C4orf50: variants seen among roughly 807,000 people sequenced by gnomAD.
C4orf50 encodes the protein chromosome 4 open reading frame 50, also known as uncharacterized protein C4orf50.
A neutral mutation model predicts 77.2 loss-of-function variants in C4orf50; 80 were observed. The observed-to-expected ratio is 1.04, with a 90% CI of 0.87 to 1.25. The LOEUF (loss-of-function observed/expected upper bound fraction) is 1.25. Ranked by LOEUF, C4orf50 falls within the 50% of genes most tolerant of loss-of-function variation. The probability of loss-of-function intolerance (pLI) is 0.00; values close to 1 mark genes in which losing one functional copy is unlikely to be tolerated. For missense variants in C4orf50, 1,257 were observed against 1,152.9 expected, an observed-to-expected ratio of 1.09 and a Z score of -1.31; for synonymous variants, 532 against 465.3, an observed-to-expected ratio of 1.14 and a Z score of -1.84.
At chr4:6,016,225 C>A (rs1722677426) in intron 23 of C4orf50, among the ~76,000 whole-genome samples, 1 of 152,116 alleles carries the variant, frequency 6.6e-6, no homozygotes, top group African/African-American at 2.4e-5. Context: ...AGGAACTTAA[C>A]TCTTATTTGT....
chr4:5,994,060 T>G (rs1296116079), intron 26 of C4orf50, among the ~76,000 whole-genome samples: 1 of 152,120 alleles, frequency 6.6e-6, no homozygotes, highest in Non-Finnish European at 1.5e-5. Context: ...TGCTGGCCTA[T>G]GAGGCCCCCT....
chr4:6,014,185 A>T (rs1049039349), intron 23 of C4orf50, among the ~76,000 whole-genome samples: 1 of 152,018 alleles, frequency 6.6e-6, no homozygotes, highest in Non-Finnish European at 1.5e-5. Context: ...TATTTTTAGT[A>T]GAGACAGGGT....
At chr4:5,977,110 G>A (rs1328654515) in intron 29 of C4orf50, among the ~76,000 whole-genome samples, 2 of 152,220 alleles carry the variant, frequency 1.3e-5, no homozygotes, top group Non-Finnish European at 2.9e-5. Flanking sequence ...TGCAGAGGGG[G>A]CAGGATGTGA....
chr4:5,972,832 T>A (rs1335592828), intron 31 of C4orf50, among the ~76,000 whole-genome samples: 2 of 152,156 alleles, frequency 1.3e-5, no homozygotes, highest in East Asian at 3.9e-4. Flanking sequence ...GGAACGGGGC[T>A]GCATGTATAT....
downstream of C4orf50, among the ~76,000 whole-genome samples, chr4:5,955,648 G>A (rs1226661583): frequency 6.6e-6 from 1 of 152,134 alleles, no homozygotes. This position sits in a 1 kb window ranked among gnomAD's most constrained non-coding sequence, Gnocchi z 5.1. Context: ...CGCCTCACCA[G>A]CCTCCAAACT....
chr4:5,989,000 C>A lies in C4orf50; in HGVS notation c.3046G>T (p.Glu1016Ter). The A allele has an allele frequency of 6.5e-7, 1 of 1,536,066 alleles. No individual in the cohort carries two copies. The highest frequency in any genetic ancestry group is 8.7e-7 in the Non-Finnish European group (1 of 1,146,904). Residue 1016 changes from glutamate (E) to a stop codon, truncating the protein, a stop_gained, in exon 28 of 34, where the codon GAG becomes TAG. Coordinates refer to ENST00000531445, the Ensembl canonical transcript of C4orf50. LOFTEE classifies it high-confidence loss of function. ...AGTGTTTCATTTTCCTCTTCAAGCT[C>A]CAAAATTTTGCAGTAACTCTTCCCA...
chr4:5,934,306 T>C (rs1717911871), intron 7 of C4orf50, among the ~76,000 whole-genome samples: 1 of 152,220 alleles, frequency 6.6e-6, no homozygotes, highest in South Asian at 2.1e-4. Context: ...GCTGTTGTTG[T>C]TCTCTTCCTG....
chr4:5,927,058 G>C (rs1274010649), intron 7 of C4orf50, among the ~76,000 whole-genome samples: 1 of 152,196 alleles, frequency 6.6e-6, no homozygotes, highest in African/African-American at 2.4e-5. Flanking sequence ...CACTGTGGAA[G>C]GGGAAGATAG....
chr4:5,909,585 C>G (rs1716707119), intron 7 of C4orf50, among the ~76,000 whole-genome samples: 1 of 152,214 alleles, frequency 6.6e-6, no homozygotes. Context: ...AATCTTTGCT[C>G]AGACCAATGT....
chr4:5,939,806 A>T (rs1718186675), intron 7 of C4orf50, among the ~76,000 whole-genome samples: 1 of 151,932 alleles, frequency 6.6e-6, no homozygotes, highest in Admixed American at 6.6e-5. Context: ...AGCAGCACTG[A>T]CTCTCAGAAG....
Position 5,908,423 on chromosome 4 carries a change from G to T in C4orf50, c.*2475-10235C>A, listed in dbSNP as rs1279396241. On this transcript the variant is annotated intron_variant, in intron 7 of 7. Coordinates refer to the C4orf50 transcript ENST00000324058. This position sits in a 1 kb window ranked among gnomAD's most constrained non-coding sequence, Gnocchi z 5.6. ...CAACCAGTGGGCTCTGTGATGTGACGATTCTATAAAACCACAGGAGGCATT... is the reference window on the plus strand; with the variant it reads ...CAACCAGTGGGCTCTGTGATGTGACTATTCTATAAAACCACAGGAGGCATT... Among the ~76,000 whole-genome samples, 1 of 152,108 alleles carries T rather than the reference G, an allele frequency of 6.6e-6. No individual in the cohort carries two copies. Among genetic ancestry groups the T allele is most frequent in the Non-Finnish European group, 1.5e-5 (1 of 68,018 alleles).
chr4:5,974,336 C>G (rs547788298), intron 30 of C4orf50, among the ~76,000 whole-genome samples: 1 of 152,166 alleles, frequency 6.6e-6, no homozygotes, highest in Non-Finnish European at 1.5e-5. Flanking sequence ...GTGATGAGAG[C>G]GGTGGGGAGG....
chr4:5,906,409 A>G (rs1157086467), intron 7 of C4orf50, among the ~76,000 whole-genome samples: 1 of 152,170 alleles, frequency 6.6e-6, no homozygotes, highest in Non-Finnish European at 1.5e-5. Flanking sequence ...GCCAAGAAGT[A>G]TGGGAGAATA....
At chr4:5,983,758 G>C in intron 28 of C4orf50, among the ~76,000 whole-genome samples, 1 of 152,202 alleles carries the variant, frequency 6.6e-6, no homozygotes, top group East Asian at 1.9e-4. Flanking sequence ...TGTTGGTCCT[G>C]CTAGATGGAG....
rs1005055434 is a variant in C4orf50, at chr4:5,932,491, C to T, written c.*2474+24410G>A. Among the ~76,000 whole-genome samples, 3 of 152,124 alleles carry T rather than the reference C, an allele frequency of 2.0e-5. No homozygotes were observed. The highest frequency in any genetic ancestry group is 7.2e-5 in the African/African-American group (3 of 41,420). ...TTGTTTTGGAGCCTGGCTGGAGTGC[C>T]GTGGCTCCATCACAGTTCACTGCAG... is the stretch of plus-strand genomic sequence containing the variant. On this transcript the variant is annotated intron_variant, in intron 7 of 7. Transcript: ENST00000324058. This position sits in a 1 kb window ranked among gnomAD's most constrained non-coding sequence, Gnocchi z 4.2.
At chr4:5,971,951 G>A (rs1196733557) in intron 31 of C4orf50, among the ~76,000 whole-genome samples, 3 of 152,076 alleles carry the variant, frequency 2.0e-5, no homozygotes, top group East Asian at 1.9e-4. Flanking sequence ...GGCCTTCCAG[G>A]GTGACACCTG....
At chr4:6,006,310 T>C (rs1352612187) in intron 25 of C4orf50, among the ~76,000 whole-genome samples, 2 of 152,230 alleles carry the variant, frequency 1.3e-5, no homozygotes, top group Admixed American at 1.3e-4. Flanking sequence ...GGTTGCTCAC[T>C]CATTTTTCCT....
At chr4:6,005,119 C>T (rs535158162) in intron 25 of C4orf50, among the ~76,000 whole-genome samples, 49 of 152,302 alleles carry the variant, frequency 3.2e-4, no homozygotes, top group African/African-American at 1.1e-3. Flanking sequence ...ACTTGCATTC[C>T]TGCCTGCAAC....
intron 23 of C4orf50, among the ~76,000 whole-genome samples, chr4:6,014,208 G>T (rs1472526719): frequency 1.3e-5 from 2 of 152,090 alleles, no homozygotes; most frequent in African/African-American, 4.8e-5. Flanking sequence ...CTCCATGTTG[G>T]TCAGGCTGGT....
Sources: gnomAD v4.1 joint callset for allele counts (sites outside exome capture counted in the v4.1 genomes callset) on GRCh38, gnomAD v4.1.1 for gene constraint, Gnocchi (gnomAD v3.1) non-coding constraint, MANE v1.5 for transcripts, NCBI Gene and HGNC (gene_info 2026-07-23, HGNC 2026-07-21) for gene names.